CDYL2: variants seen among roughly 807,000 people sequenced by gnomAD.
The protein encoded by CDYL2 is chromodomain Y-like protein 2.
CDYL2 carries 23 observed loss-of-function variants against 49.4 expected under a neutral mutation model. That is an observed-to-expected ratio of 0.47 (90% CI 0.34 to 0.66). The LOEUF (loss-of-function observed/expected upper bound fraction) is 0.66, where lower values mean the gene tolerates loss of function less well. Ranked by LOEUF, CDYL2 falls within the 30% of genes least tolerant of loss-of-function variation. The pLI is 0.01. For missense variants in CDYL2, 678 were observed against 656.4 expected (o/e 1.03, Z -0.36); for synonymous variants, 360 against 268.8 (o/e 1.34, Z -3.32).
intron 1 of CDYL2, among the ~76,000 whole-genome samples, chr16:80,694,262 G>A (rs1399787405): frequency 1.3e-5 from 2 of 152,200 alleles, no homozygotes; most frequent in South Asian, 2.1e-4. Flanking sequence ...GAGCTCAGGT[G>A]GTAATGCTCC....
chr16:80,788,299 T>G (rs1176549856), intron 1 of CDYL2, among the ~76,000 whole-genome samples: 1 of 152,206 alleles, frequency 6.6e-6, no homozygotes, highest in Admixed American at 6.5e-5. Context: ...CATCACTTTT[T>G]GTGAGTCAGC....
At chr16:80,802,295 G>C (rs1234151347) in intron 1 of CDYL2, among the ~76,000 whole-genome samples, 5 of 152,192 alleles carry the variant, frequency 3.3e-5, no homozygotes, top group African/African-American at 1.2e-4. Flanking sequence ...AAGGTCAACA[G>C]CTCTAAGCTG....
chr16:80,756,315 T>A (rs1906308510), intron 1 of CDYL2, among the ~76,000 whole-genome samples: 1 of 152,108 alleles, frequency 6.6e-6, no homozygotes, highest in South Asian at 2.1e-4. Flanking sequence ...CACAAACCTC[T>A]GTCTAGTCTA....
intron 1 of CDYL2, among the ~76,000 whole-genome samples, chr16:80,766,225 A>G: frequency 6.6e-6 from 1 of 152,162 alleles, no homozygotes; most frequent in East Asian, 1.9e-4. Flanking sequence ...CGAATTGCAT[A>G]TTTTAAAGGG....
At chr16:80,619,140 T>C (rs1369296492) in intron 4 of CDYL2, among the ~76,000 whole-genome samples, 1 of 152,160 alleles carries the variant, frequency 6.6e-6, no homozygotes, top group Non-Finnish European at 1.5e-5. Flanking sequence ...TCCCTTTCTG[T>C]CACATTACCT....
chr16:80,734,343 A>G (rs1183331532), intron 1 of CDYL2, among the ~76,000 whole-genome samples: 1 of 152,188 alleles, frequency 6.6e-6, no homozygotes, highest in East Asian at 1.9e-4. Context: ...TTGTGTCTGT[A>G]CCATGAAGTT....
intron 3 of CDYL2, among the ~76,000 whole-genome samples, chr16:80,630,118 C>T (rs994869878): frequency 4.6e-5 from 7 of 152,328 alleles, no homozygotes; most frequent in South Asian, 4.1e-4. Context: ...ACCTTCATTA[C>T]GGGCTGCTTT....
At chr16:80,683,268 G>T (rs1449908601) in intron 2 of CDYL2, among the ~76,000 whole-genome samples, 1 of 152,196 alleles carries the variant, frequency 6.6e-6, no homozygotes, top group Non-Finnish European at 1.5e-5. Flanking sequence ...ACATTCCAAG[G>T]CTCGGGTCTC....
intron 1 of CDYL2, among the ~76,000 whole-genome samples, chr16:80,732,169 A>G (rs1905349751): frequency 1.3e-5 from 2 of 152,234 alleles, no homozygotes; most frequent in African/African-American, 2.4e-5. Flanking sequence ...GACACTGAAT[A>G]ATGAGAACAT....
intron 2 of CDYL2, among the ~76,000 whole-genome samples, chr16:80,646,023 A>G (rs1179296347): frequency 6.7e-6 from 1 of 150,170 alleles, no homozygotes; most frequent in East Asian, 2.0e-4. Flanking sequence ...GGATGGCATT[A>G]GGAGATATAC....
intron 1 of CDYL2, among the ~76,000 whole-genome samples, chr16:80,748,122 AAATAAT>A (rs71143647): frequency 0.061 from 8,294 of 135,892 alleles, 297 homozygotes; most frequent in African/African-American, 0.096. Flanking sequence ...TGGGAAGATT[AAATAAT>A]AATAATAATA....
chr16:80,779,348 A>AT (rs199912372), intron 1 of CDYL2, among the ~76,000 whole-genome samples: 2,300 of 139,400 alleles, frequency 0.016, 31 homozygotes, highest in South Asian at 0.046. Context: ...CTCAAGTTGC[A>AT]TTTTTTAAAT....
intron 1 of CDYL2, among the ~76,000 whole-genome samples, chr16:80,763,222 A>G (rs1906592252): frequency 5.8e-4 from 1 of 1,722 alleles, no homozygotes; most frequent in Non-Finnish European, 1.3e-3. Flanking sequence ...AACTTTATAG[A>G]ATGTAATAAA....
chr16:80,744,145 C>T (rs1905845870), intron 1 of CDYL2, among the ~76,000 whole-genome samples: 1 of 152,144 alleles, frequency 6.6e-6, no homozygotes, highest in Non-Finnish European at 1.5e-5. Context: ...ATCAAAGCTA[C>T]ACAGAAGCAG....
intron 1 of CDYL2, among the ~76,000 whole-genome samples, chr16:80,696,044 A>G (rs902351318): frequency 1.3e-5 from 2 of 152,242 alleles, no homozygotes; most frequent in African/African-American, 4.8e-5. Flanking sequence ...AATCATATCA[A>G]TTATCTTTTC....
chr16:80,640,591 C>T (rs1439441461), intron 2 of CDYL2, among the ~76,000 whole-genome samples: 1 of 152,042 alleles, frequency 6.6e-6, no homozygotes, highest in African/African-American at 2.4e-5. Flanking sequence ...AAAACATGAC[C>T]TCACCAAATA....
chr16:80,734,633 T>A (rs1284616840), intron 1 of CDYL2, among the ~76,000 whole-genome samples: 1 of 152,092 alleles, frequency 6.6e-6, no homozygotes, highest in Non-Finnish European at 1.5e-5. Context: ...GGCTTGAACT[T>A]ACTCATTCAA....
chr16:80,749,499 T>C (rs1906054697), intron 1 of CDYL2, among the ~76,000 whole-genome samples: 1 of 151,880 alleles, frequency 6.6e-6, no homozygotes. Context: ...CAGAAAACAA[T>C]GAAAAGCAAA....
At chr16:80,777,498 G>C (rs1427260997) in intron 1 of CDYL2, among the ~76,000 whole-genome samples, 1 of 151,858 alleles carries the variant, frequency 6.6e-6, no homozygotes. Context: ...ATGAAGAAAA[G>C]AGAAAGTACA....
Sources: allele counts gnomAD v4.1 joint callset (sites outside exome capture counted in the v4.1 genomes callset), GRCh38; gene constraint gnomAD v4.1.1; transcripts MANE v1.5; gene names NCBI Gene and HGNC (gene_info 2026-07-23, HGNC 2026-07-21).